The following SPATA18 variants were observed in gnomAD, a reference collection of about 807,000 sequenced individuals.
The protein encoded by SPATA18 is spermatogenesis associated 18.
A neutral mutation model predicts 68.1 loss-of-function variants in SPATA18; 54 were observed. The observed-to-expected ratio is 0.79, with a 90% CI of 0.64 to 0.99. SPATA18 has a LOEUF of 0.99. Among genes scored for constraint, SPATA18 ranks in the 50% least tolerant of loss-of-function variants. The pLI, the probability that SPATA18 is intolerant of heterozygous loss-of-function variation, is 0.00. For missense variants in SPATA18, 724 were observed against 681.1 expected (o/e 1.06, Z -0.70); for synonymous variants, 242 against 244.8 (o/e 0.99, Z 0.11).
rs1192969225 is a variant in SPATA18, at chr4:52,095,853, TC to T, written c.*967del. ...ATTGAGTATATATCCCTTGACTTCT[TC>T]ACTGTCAAATACTTTTGAAACTTCA... On this transcript the variant is annotated 3_prime_UTR_variant, in exon 13 of 13. Coordinates refer to ENST00000295213, the MANE Select transcript of SPATA18 (RefSeq NM_145263.4). 1 of 152,186 alleles carries T rather than the reference TC, an allele frequency of 6.6e-6. No homozygotes were observed. Among genetic ancestry groups the T allele is most frequent in the Non-Finnish European group, 1.5e-5 (1 of 68,030 alleles). 9.4% of individuals were successfully genotyped at this position (152,186 alleles called of 1,614,324 possible).
Position 52,094,943 on chromosome 4 carries a change from G to A in SPATA18, c.*56G>A. 1 of 1,608,176 alleles carries A rather than the reference G, an allele frequency of 6.2e-7. No homozygotes were observed. Among genetic ancestry groups the A allele is most frequent in the Non-Finnish European group, 8.5e-7 (1 of 1,174,712 alleles). Reference sequence around the variant, plus strand: ...CGTGGAAACAGCTGCTTTCTCCAGTGCCGCCATCTGTCTTCTGTGTCTGCC... The same window carrying A: ...CGTGGAAACAGCTGCTTTCTCCAGTACCGCCATCTGTCTTCTGTGTCTGCC... On this transcript the variant is annotated 3_prime_UTR_variant, in exon 13 of 13. Coordinates refer to ENST00000295213, the MANE Select transcript of SPATA18 (RefSeq NM_145263.4).
Position 52,062,206 on chromosome 4 carries a change from G to A in SPATA18, c.310-14G>A, listed in dbSNP as rs61796786. The A allele has an allele frequency of 2.9e-5, 29 of 986,096 alleles. No homozygotes were observed. The African/African-American group carries it at 6.6e-4, about 22-fold the overall frequency. The allele number at this position is 986,096 out of a possible 1,614,324, so 61.1% of individuals were successfully genotyped here. On this transcript the variant is annotated splice_polypyrimidine_tract_variant and intron_variant, in intron 3 of 12. Transcript: ENST00000295213. Reference sequence around the variant, plus strand: ...AGACTGTTTTTTTTTTTTTTTTTTGGTGTATCTTTCCAGGACACGTTTGAT... The same window carrying A: ...AGACTGTTTTTTTTTTTTTTTTTTGATGTATCTTTCCAGGACACGTTTGAT...
intron 4 of SPATA18, among the ~76,000 whole-genome samples, chr4:52,069,191 A>G (rs1047491912): frequency 2.0e-5 from 3 of 152,192 alleles, no homozygotes; most frequent in African/African-American, 7.2e-5. Context: ...TAAACTAGAT[A>G]GACCTAAATA....
At position 52,097,016 on chromosome 4, in the gene SPATA18, G is replaced by C. The variant is rs1170677343; in HGVS notation, c.*2129G>C. 5.9e-5 allele frequency: 9 copies of C among 152,012 alleles called. No homozygotes were observed. Among genetic ancestry groups the C allele is most frequent in the Non-Finnish European group, 1.2e-4 (8 of 68,010 alleles). 9.4% of individuals were successfully genotyped at this position (152,012 alleles called of 1,614,324 possible). A position where few individuals can be genotyped will look rare whatever the true frequency, so the allele number is the denominator to read the frequency against. On this transcript the variant is annotated 3_prime_UTR_variant, in exon 13 of 13. Coordinates refer to ENST00000295213, the MANE Select transcript of SPATA18 (RefSeq NM_145263.4). ...TTTCTACCCTGCCTGGCCACTTGCT[G>C]TTTCTTCAGTTTCTAATTTGAGCTG...
At chr4:52,077,268 C>T (rs1349391686) in intron 7 of SPATA18, among the ~76,000 whole-genome samples, 1 of 142,584 alleles carries the variant, frequency 7.0e-6, no homozygotes, top group African/African-American at 2.5e-5. Context: ...CCCTCCCTCC[C>T]TCCTTTCTTT....
At chr4:52,068,313 T>TTTCA (rs1185430728) in intron 4 of SPATA18, among the ~76,000 whole-genome samples, 5 of 152,256 alleles carry the variant, frequency 3.3e-5, no homozygotes, top group African/African-American at 1.2e-4. Context: ...TTTTTAGACA[T>TTTCA]TTCATTCATT....
At chr4:52,077,160 CCA>C in intron 7 of SPATA18, 120 bp downstream of exon 7, 12 of 1,035,376 alleles carry the variant, frequency 1.2e-5, no homozygotes, top group Non-Finnish European at 1.7e-5. Context: ...GGGGGAGATT[CCA>C]GTCTCCCCAT....
intron 11 of SPATA18, among the ~76,000 whole-genome samples, chr4:52,088,598 A>G (rs1741647985): frequency 2.0e-5 from 3 of 152,198 alleles, no homozygotes; most frequent in African/African-American, 7.2e-5. Context: ...TGATTTGCAT[A>G]TATTGAACCA....
rs927903542 is a variant in SPATA18 at position 52,069,876 on chromosome 4, C to T, written c.478C>T (p.Leu160Phe). 6.3e-7 allele frequency: 1 copy of T among 1,595,696 alleles called. No homozygotes were observed. The highest frequency in any genetic ancestry group is 1.1e-5 in the South Asian group (1 of 88,044). ...EESKNRSAISLLAAEEEINQL... is the reference protein window; with the variant it reads ...EESKNRSAISFLAAEEEINQL... Reference sequence around the variant, plus strand: ...AAGCAAGAACAGATCGGCCATATCCCTTTTGGCTGCAGAGGAGGAAATAAA... The same window carrying T: ...AAGCAAGAACAGATCGGCCATATCCTTTTTGGCTGCAGAGGAGGAAATAAA... The change falls in exon 5 of 13, where the codon CTT becomes TTT. Residue 160 changes from leucine to phenylalanine, a missense_variant. Physicochemically the swap from Leu to Phe is conservative, Grantham distance 22 (BLOSUM62 0). Transcript: ENST00000295213.
chr4:52,074,392 G>C (rs1477096272), intron 6 of SPATA18, among the ~76,000 whole-genome samples: 1 of 152,148 alleles, frequency 6.6e-6, no homozygotes, highest in Non-Finnish European at 1.5e-5. Context: ...GACAGTTTTT[G>C]AGAGGCCCCA....
At chr4:52,073,027 A>C (rs1463251481) in intron 6 of SPATA18, among the ~76,000 whole-genome samples, 1 of 152,080 alleles carries the variant, frequency 6.6e-6, no homozygotes, top group East Asian at 1.9e-4. Flanking sequence ...TCTTTTTAAC[A>C]ACCCCCCTCA....
At position 52,082,367 on chromosome 4, in the gene SPATA18, T is replaced by C. The variant is rs1235709782; in HGVS notation, c.1356-20T>C. ...CATAATTGCTTAACTTCTCTTTCTT[T>C]TTTTGTATATTGAAAACAGATACCG... On this transcript the variant is annotated intron_variant, in intron 9 of 12. Coordinates refer to ENST00000295213, the MANE Select transcript of SPATA18 (RefSeq NM_145263.4). 1 of 1,608,836 alleles carries C rather than the reference T, an allele frequency of 6.2e-7. No individual in the cohort carries two copies. The highest frequency in any genetic ancestry group is 1.3e-5 in the African/African-American group (1 of 74,758).
chr4:52,065,943 C>A (rs1739272282), intron 4 of SPATA18, among the ~76,000 whole-genome samples: 1 of 152,052 alleles, frequency 6.6e-6, no homozygotes, highest in South Asian at 2.1e-4. Context: ...TCAGAATGTC[C>A]AATTGAATCT....
rs924633110 is a variant in SPATA18, at chr4:52,051,406, A to G, written c.-299A>G. On this transcript the variant is annotated 5_prime_UTR_variant, in exon 1 of 13. Coordinates refer to ENST00000295213, the MANE Select transcript of SPATA18 (RefSeq NM_145263.4). ...CCTGGCAGCCAACCCGTCCACGTCA[A>G]GGTTTGTTTAATAATCGCCAGGGTA... 1.1e-5 allele frequency: 4 copies of G among 348,706 alleles called. No individual in the cohort carries two copies. The highest frequency in any genetic ancestry group is 2.1e-5 in the Non-Finnish European group (4 of 192,808). 21.6% of individuals were successfully genotyped at this position (348,706 alleles called of 1,614,324 possible). A position where few individuals can be genotyped will look rare whatever the true frequency, so the allele number is the denominator to read the frequency against.
intron 11 of SPATA18, among the ~76,000 whole-genome samples, chr4:52,093,735 C>T (rs188320469): frequency 1.3e-5 from 2 of 152,182 alleles, no homozygotes; most frequent in Non-Finnish European, 1.5e-5. Flanking sequence ...TGGGCAATGT[C>T]CTCTGTGAGA....
Position 52,076,812 on chromosome 4 carries a change from T to TCGCAGC in SPATA18, c.795_800dup (p.Arg267_Ser268dup), listed in dbSNP as rs749465948. ...GGAGCCGGTCTCCCAGCCCTGCCCCTCGCAGCCGTAGCTGCAGCCGCAGCA... is the reference window on the plus strand; with the variant it reads ...GGAGCCGGTCTCCCAGCCCTGCCCCTCGCAGCCGCAGCCGTAGCTGCAGCCGCAGCA... On this transcript the variant is annotated inframe_insertion, in exon 7 of 13. Coordinates refer to ENST00000295213, the MANE Select transcript of SPATA18 (RefSeq NM_145263.4). 37 of 1,613,936 alleles carry TCGCAGC rather than the reference T, an allele frequency of 2.3e-5. No individual in the cohort carries two copies. The highest frequency in any genetic ancestry group is 6.7e-5 in the East Asian group (3 of 44,880).
chr4:52,086,354 C>T (rs1377767224), intron 11 of SPATA18, among the ~76,000 whole-genome samples: 2 of 152,156 alleles, frequency 1.3e-5, no homozygotes, highest in Non-Finnish European at 2.9e-5. Context: ...TGGTTTGATG[C>T]ACCCATCAAC....
chr4:52,079,679 C>A, intron 8 of SPATA18, 65 bp from the exon 9 acceptor site: 1 of 1,531,726 alleles, frequency 6.5e-7, no homozygotes, highest in Non-Finnish European at 8.9e-7. Flanking sequence ...TCCTAATATT[C>A]TTAGGATGTC....
Position 52,078,721 on chromosome 4 carries a change from A to G in SPATA18, c.1021-14A>G, listed in dbSNP as rs191406470. ...TCTTTTCACCAAATAAATTTGCTGCATTTTTATGTGCAGGAGGCATTCCAT... is the reference window on the plus strand; with the variant it reads ...TCTTTTCACCAAATAAATTTGCTGCGTTTTTATGTGCAGGAGGCATTCCAT... On this transcript the variant is annotated splice_polypyrimidine_tract_variant and intron_variant, in intron 7 of 12. Coordinates refer to ENST00000295213, the MANE Select transcript of SPATA18 (RefSeq NM_145263.4). 26 of 1,513,656 alleles carry G rather than the reference A, an allele frequency of 1.7e-5. No individual in the cohort carries two copies. In the East Asian group the frequency reaches 5.8e-4, roughly 34 times the overall value. The allele number at this position is 1,513,656 out of a possible 1,614,324, so 93.8% of individuals were successfully genotyped here.
Sources: allele counts gnomAD v4.1 joint callset (sites outside exome capture counted in the v4.1 genomes callset), GRCh38; gene constraint gnomAD v4.1.1; transcripts MANE v1.5; gene names NCBI Gene and HGNC (gene_info 2026-07-23, HGNC 2026-07-21).